TSPAN11: variants seen among roughly 807,000 people sequenced by gnomAD.
TSPAN11 encodes the protein tetraspanin 11.
A neutral mutation model predicts 32.9 loss-of-function variants in TSPAN11; 29 were observed. The ratio of observed to expected loss-of-function variants is 0.88; its 90% CI spans 0.66 to 1.20. TSPAN11 has a LOEUF of 1.20. Among genes scored for constraint, TSPAN11 ranks in the 50% most tolerant of loss-of-function variants. The probability of loss-of-function intolerance (pLI) is 0.00; values close to 1 mark genes in which losing one functional copy is unlikely to be tolerated. For missense variants in TSPAN11, 283 were observed against 329.1 expected (o/e 0.86, Z 1.08); for synonymous variants, 140 against 141.3 (o/e 0.99, Z 0.07).
chr12:30,950,954 A>C (rs956873152), intron 1 of TSPAN11, among the ~76,000 whole-genome samples: 6 of 152,256 alleles, frequency 3.9e-5, no homozygotes, highest in African/African-American at 1.4e-4. Context: ...TACAACCTAT[A>C]AAATATCTAC....
intron 1 of TSPAN11, among the ~76,000 whole-genome samples, chr12:30,937,430 TG>T (rs986313325): frequency 6.7e-5 from 10 of 148,296 alleles, no homozygotes; most frequent in East Asian, 2.0e-4. Flanking sequence ...AGCGTACTTT[TG>T]GGGGGGCGGC....
At chr12:30,974,684 C>G (rs1938924255) in intron 3 of TSPAN11, among the ~76,000 whole-genome samples, 1 of 152,210 alleles carries the variant, frequency 6.6e-6, no homozygotes, top group Non-Finnish European at 1.5e-5. Context: ...CAGATGTGGT[C>G]CCTGTTTCTC....
chr12:30,952,004 C>T (rs969266811), intron 1 of TSPAN11, among the ~76,000 whole-genome samples: 1 of 152,170 alleles, frequency 6.6e-6, no homozygotes, highest in African/African-American at 2.4e-5. Context: ...TTCTATTTTC[C>T]CCACCACTAA....
At chr12:30,935,680 T>C (rs1015753588) in intron 1 of TSPAN11, among the ~76,000 whole-genome samples, 7 of 152,202 alleles carry the variant, frequency 4.6e-5, no homozygotes, top group Admixed American at 2.0e-4. Flanking sequence ...TTTGGAAAAG[T>C]ATTTTTGTGA....
At chr12:30,976,128 G>A (rs1198834386) in intron 3 of TSPAN11, among the ~76,000 whole-genome samples, 6 of 152,144 alleles carry the variant, frequency 3.9e-5, no homozygotes, top group Admixed American at 6.5e-5. Context: ...CTGATGGGCC[G>A]GGCTTCTCCC....
chr12:30,958,313 T>C (rs576467660), intron 2 of TSPAN11, among the ~76,000 whole-genome samples: 1 of 152,146 alleles, frequency 6.6e-6, no homozygotes, highest in Non-Finnish European at 1.5e-5. Flanking sequence ...AAATAGCCCT[T>C]AGCATAACAA....
chr12:30,936,544 A>C (rs1938048349), intron 1 of TSPAN11, among the ~76,000 whole-genome samples: 1 of 152,184 alleles, frequency 6.6e-6, no homozygotes, highest in East Asian at 1.9e-4. Context: ...AGCAGGGAGA[A>C]GAGTGGAATG....
chr12:30,932,752 A>C (rs559667305), intron 1 of TSPAN11, among the ~76,000 whole-genome samples: 3 of 152,180 alleles, frequency 2.0e-5, no homozygotes, highest in Admixed American at 6.5e-5. Flanking sequence ...TTACAACTCC[A>C]TGGAAGGAAC....
chr12:30,947,751 A>C (rs1005294134), intron 1 of TSPAN11, among the ~76,000 whole-genome samples: 1 of 152,176 alleles, frequency 6.6e-6, no homozygotes, highest in African/African-American at 2.4e-5. Context: ...GGACACAGCC[A>C]AACCTTATCA....
chr12:30,982,998 C>A, intron 6 of TSPAN11, 66 bp from the exon 7 acceptor site: 1 of 1,518,824 alleles, frequency 6.6e-7, no homozygotes, highest in Non-Finnish European at 9.0e-7. Context: ...CAGTGACAGC[C>A]CGCCCTCCGT....
At chr12:30,999,012 A>G (rs975702197), downstream of TSPAN11, 5 of 152,218 alleles carry the variant, frequency 3.3e-5, no homozygotes, top group Non-Finnish European at 5.9e-5. Flanking sequence ...AATACATCGT[A>G]AGTTTAAAAT....
At chr12:30,981,092 A>G (rs1939081370) in intron 5 of TSPAN11, among the ~76,000 whole-genome samples, 1 of 152,160 alleles carries the variant, frequency 6.6e-6, no homozygotes, top group African/African-American at 2.4e-5. Context: ...CCAGGGGCAG[A>G]TGAGGAAAGG....
intron 2 of TSPAN11, among the ~76,000 whole-genome samples, 169 bp from the exon 3 acceptor site, chr12:30,963,656 CA>C (rs1423901081): frequency 1.3e-5 from 2 of 152,252 alleles, no homozygotes; most frequent in Non-Finnish European, 2.9e-5. Context: ...TAACCTCTCT[CA>C]GCCTCGATTT....
At chr12:30,974,644 C>G (rs1938923015) in intron 3 of TSPAN11, among the ~76,000 whole-genome samples, 1 of 152,238 alleles carries the variant, frequency 6.6e-6, no homozygotes, top group Non-Finnish European at 1.5e-5. Context: ...AGCACCATAC[C>G]AGGCACTGTG....
At chr12:30,950,673 G>A (rs181139883) in intron 1 of TSPAN11, among the ~76,000 whole-genome samples, 246 of 152,314 alleles carry the variant, frequency 1.6e-3, no homozygotes, top group Middle Eastern at 6.8e-3. Context: ...CTCAGGGATG[G>A]TATGGCAGCT....
the TSPAN11 span, among the ~76,000 whole-genome samples, chr12:31,004,192 A>G: frequency 1.3e-5 from 2 of 152,196 alleles, no homozygotes; most frequent in Non-Finnish European, 2.9e-5. Flanking sequence ...TGACTTTTTC[A>G]TAACTGCAAA....
intron 1 of TSPAN11, among the ~76,000 whole-genome samples, chr12:30,937,969 CA>C (rs999446944): frequency 2.0e-5 from 3 of 152,148 alleles, no homozygotes; most frequent in African/African-American, 7.2e-5. Flanking sequence ...TTTTAAGGTC[CA>C]GGGGTGGAGT....
the TSPAN11 span, among the ~76,000 whole-genome samples, chr12:31,002,096 G>A: frequency 6.6e-6 from 1 of 152,180 alleles, no homozygotes; most frequent in Non-Finnish European, 1.5e-5. This position sits in a 1 kb window ranked among gnomAD's most constrained non-coding sequence, Gnocchi z 4.8. Flanking sequence ...TGCAGCCACT[G>A]AGTCTGTCTC....
At chr12:30,945,830 C>T (rs551933235) in intron 1 of TSPAN11, among the ~76,000 whole-genome samples, 33 of 152,140 alleles carry the variant, frequency 2.2e-4, no homozygotes, top group African/African-American at 7.9e-4. Context: ...TGGTGTGGGT[C>T]CTGTCTATGA....
Sources: gnomAD v4.1 joint callset for allele counts (sites outside exome capture counted in the v4.1 genomes callset) on GRCh38, gnomAD v4.1.1 for gene constraint, Gnocchi (gnomAD v3.1) non-coding constraint, MANE v1.5 for transcripts, NCBI Gene and HGNC (gene_info 2026-07-23, HGNC 2026-07-21) for gene names.